The following AGBL4 variants were observed in gnomAD, a reference collection of about 807,000 sequenced individuals.
AGBL4 encodes cytosolic carboxypeptidase 6.
In AGBL4, 58 loss-of-function variants were observed where a neutral mutation model predicts 66.4. That is an observed-to-expected ratio of 0.87 (90% CI 0.71 to 1.09). The LOEUF (loss-of-function observed/expected upper bound fraction) is 1.09. AGBL4 is among the 50% of genes least tolerant of loss of function. The pLI, the probability that AGBL4 is intolerant of heterozygous loss-of-function variation, is 0.00. For synonymous variants in AGBL4, 234 were observed against 222.9 expected, an observed-to-expected ratio of 1.05 and a Z score of -0.44; for missense variants, 579 against 631.0, an observed-to-expected ratio of 0.92 and a Z score of 0.88.
chr1:49,812,146 G>GA (rs1021803999), intron 2 of AGBL4, among the ~76,000 whole-genome samples: 3 of 152,078 alleles, frequency 2.0e-5, no homozygotes, highest in Non-Finnish European at 2.9e-5. Context: ...AAATTCTTAA[G>GA]AAAAAATAGA....
At chr1:49,450,213 C>T (rs1432494233) in intron 3 of AGBL4, among the ~76,000 whole-genome samples, 1 of 152,060 alleles carries the variant, frequency 6.6e-6, no homozygotes, top group Admixed American at 6.6e-5. Context: ...TCTAAGATCT[C>T]TATTTAAATC....
At chr1:49,484,729 TA>T (rs949527577) in intron 3 of AGBL4, among the ~76,000 whole-genome samples, 3 of 151,940 alleles carry the variant, frequency 2.0e-5, no homozygotes, top group African/African-American at 7.2e-5. Flanking sequence ...ATTGTACATT[TA>T]AAGATAACAA....
At chr1:49,499,112 G>T (rs763706165) in intron 3 of AGBL4, among the ~76,000 whole-genome samples, 1 of 151,694 alleles carries the variant, frequency 6.6e-6, no homozygotes, top group African/African-American at 2.4e-5. Context: ...TCAATTTTTT[G>T]GGAGTCCTTA....
At chr1:48,891,751 A>G (rs1650993649) in intron 5 of AGBL4, among the ~76,000 whole-genome samples, 2 of 152,032 alleles carry the variant, frequency 1.3e-5, no homozygotes, top group South Asian at 4.1e-4. Flanking sequence ...ACTTCACTCT[A>G]CTCCCAGCTG....
chr1:49,439,072 C>A (rs570584931), intron 3 of AGBL4, among the ~76,000 whole-genome samples: 1 of 152,182 alleles, frequency 6.6e-6, no homozygotes, highest in East Asian at 1.9e-4. Context: ...TTGGAAGGGA[C>A]AAACATTCAA....
intron 3 of AGBL4, among the ~76,000 whole-genome samples, chr1:49,547,455 C>T (rs910530805): frequency 6.6e-6 from 1 of 152,014 alleles, no homozygotes; most frequent in South Asian, 2.1e-4. Flanking sequence ...CAGATTTGTT[C>T]TTTTTGCTTA....
chr1:49,461,398 C>T (rs755863285), intron 3 of AGBL4, among the ~76,000 whole-genome samples: 2 of 150,952 alleles, frequency 1.3e-5, no homozygotes, highest in Non-Finnish European at 3.0e-5. Flanking sequence ...CTGAGAATTT[C>T]CAGTGCATTT....
At chr1:49,500,380 T>A (rs145872348) in intron 3 of AGBL4, among the ~76,000 whole-genome samples, 2,521 of 150,610 alleles carry the variant, frequency 0.017, 73 homozygotes, top group African/African-American at 0.059. Context: ...TTATTTTTAG[T>A]TTAATTAGGT....
chr1:48,655,982 G>A (rs76218385), intron 7 of AGBL4, among the ~76,000 whole-genome samples: 18,526 of 152,182 alleles, frequency 0.12, 2,289 homozygotes, highest in African/African-American at 0.32. Flanking sequence ...TCTGTCAAGT[G>A]AGGAGAATAA....
chr1:48,852,194 C>G (rs566378162), intron 6 of AGBL4, among the ~76,000 whole-genome samples: 1 of 152,000 alleles, frequency 6.6e-6, no homozygotes, highest in Non-Finnish European at 1.5e-5. Flanking sequence ...AGATTTGAAC[C>G]CTGGCCTAAC....
intron 2 of AGBL4, among the ~76,000 whole-genome samples, chr1:49,781,016 T>C (rs571813336): frequency 2.0e-5 from 3 of 152,192 alleles, no homozygotes; most frequent in Non-Finnish European, 2.9e-5. Flanking sequence ...TGATGATAAG[T>C]AAATAGGTGG....
At chr1:49,821,151 A>C (rs1237647776) in intron 2 of AGBL4, among the ~76,000 whole-genome samples, 2 of 152,184 alleles carry the variant, frequency 1.3e-5, no homozygotes, top group African/African-American at 4.8e-5. Context: ...GTATGCTTTT[A>C]AAAGGAATAG....
chr1:48,927,412 A>G (rs4926775), intron 5 of AGBL4, among the ~76,000 whole-genome samples: 91,913 of 151,878 alleles, frequency 0.61, 28,222 homozygotes, highest in Non-Finnish European at 0.65. Context: ...GGGAAGACCA[A>G]CCCTCATGAT....
At chr1:49,262,855 C>T (rs1037632827) in intron 3 of AGBL4, among the ~76,000 whole-genome samples, 4 of 152,136 alleles carry the variant, frequency 2.6e-5, no homozygotes, top group Non-Finnish European at 4.4e-5. Context: ...CACATGTACA[C>T]GTATGTTTAT....
At chr1:48,899,050 C>T (rs1290890357) in intron 5 of AGBL4, among the ~76,000 whole-genome samples, 1 of 152,208 alleles carries the variant, frequency 6.6e-6, no homozygotes, top group Non-Finnish European at 1.5e-5. Context: ...GGGGCTGGGT[C>T]AGCCACGTCG....
At chr1:48,806,367 C>T in intron 6 of AGBL4, among the ~76,000 whole-genome samples, 1 of 152,192 alleles carries the variant, frequency 6.6e-6, no homozygotes, top group East Asian at 1.9e-4. Flanking sequence ...GTTCCCCTCA[C>T]ACTCCAGCAG....
chr1:49,689,021 G>C (rs1279903439), intron 3 of AGBL4, among the ~76,000 whole-genome samples: 1 of 152,078 alleles, frequency 6.6e-6, no homozygotes, highest in African/African-American at 2.4e-5. Flanking sequence ...TATTGTGTGA[G>C]TCATCTTTCA....
intron 5 of AGBL4, among the ~76,000 whole-genome samples, chr1:48,964,492 G>A (rs1658260788): frequency 6.6e-6 from 1 of 152,124 alleles, no homozygotes. Context: ...TAATGCCAAT[G>A]ATATAAAGGG....
chr1:49,056,924 A>T (rs1447347595), intron 4 of AGBL4, among the ~76,000 whole-genome samples: 2 of 152,192 alleles, frequency 1.3e-5, no homozygotes, highest in African/African-American at 4.8e-5. Context: ...TTCACATCTC[A>T]CTAAGGTCTT....
Sources: gnomAD v4.1 joint callset for allele counts (sites outside exome capture counted in the v4.1 genomes callset) on GRCh38, gnomAD v4.1.1 for gene constraint, MANE v1.5 for transcripts, NCBI Gene and HGNC (gene_info 2026-07-23, HGNC 2026-07-21) for gene names.